KCNQ3: variants seen among roughly 807,000 people sequenced by gnomAD.
KCNQ3 encodes the protein potassium voltage-gated channel subfamily KQT member 3.
A neutral mutation model predicts 92.5 loss-of-function variants in KCNQ3; 30 were observed. The observed-to-expected ratio is 0.32, with a 90% CI of 0.24 to 0.44. The LOEUF is 0.44. Ranked by LOEUF, KCNQ3 falls within the 20% of genes least tolerant of loss-of-function variation. The pLI, the probability that KCNQ3 is intolerant of heterozygous loss-of-function variation, is 1.00. For synonymous variants in KCNQ3, 450 were observed against 468.8 expected (o/e 0.96, Z 0.52); for missense variants, 913 against 1,140.3 (o/e 0.80, Z 2.87).
At chr8:132,151,519 T>C (rs556039267) in intron 9 of KCNQ3, among the ~76,000 whole-genome samples, 5 of 152,240 alleles carry the variant, frequency 3.3e-5, no homozygotes, top group Non-Finnish European at 5.9e-5. Context: ...GGGTATTATA[T>C]GGTTTTTCTG....
chr8:132,225,059 C>T (rs1814366072), intron 1 of KCNQ3, among the ~76,000 whole-genome samples: 1 of 152,172 alleles, frequency 6.6e-6, no homozygotes, highest in African/African-American at 2.4e-5. Flanking sequence ...AGAATAGACC[C>T]ACCAGTTTGT....
chr8:132,203,214 A>G (rs1827515368), intron 1 of KCNQ3, among the ~76,000 whole-genome samples: 1 of 152,176 alleles, frequency 6.6e-6, no homozygotes, highest in South Asian at 2.1e-4. Flanking sequence ...TCCACTTCTC[A>G]ACACTGTTGC....
chr8:132,409,096 C>A (rs139485556), intron 1 of KCNQ3, among the ~76,000 whole-genome samples: 12 of 152,158 alleles, frequency 7.9e-5, no homozygotes, highest in Non-Finnish European at 1.5e-4. Context: ...TCCTTTCCCC[C>A]AAGAAGCTCA....
chr8:132,243,170 A>C (rs1179999660), intron 1 of KCNQ3, among the ~76,000 whole-genome samples: 2 of 152,244 alleles, frequency 1.3e-5, no homozygotes, highest in Non-Finnish European at 2.9e-5. Flanking sequence ...TATGAGATTT[A>C]GCTCTAATAA....
chr8:132,369,468 A>T (rs935171761), intron 1 of KCNQ3, among the ~76,000 whole-genome samples: 3 of 152,060 alleles, frequency 2.0e-5, no homozygotes, highest in African/African-American at 7.3e-5. Context: ...AATAAAAGAA[A>T]CCAGGGTTCC....
chr8:132,461,151 T>C (rs533226195), intron 1 of KCNQ3, among the ~76,000 whole-genome samples: 5 of 152,250 alleles, frequency 3.3e-5, no homozygotes, highest in African/African-American at 4.8e-5. Flanking sequence ...CTTGGTTGCA[T>C]TGTTCTTGGC....
At chr8:132,384,567 T>C (rs1334325088) in intron 1 of KCNQ3, among the ~76,000 whole-genome samples, 1 of 152,162 alleles carries the variant, frequency 6.6e-6, no homozygotes, top group Non-Finnish European at 1.5e-5. Flanking sequence ...TGGGAAAAGG[T>C]TGCAACCCAA....
In KCNQ3 at chr8:132,134,281, T is replaced by G. The variant is rs1360659620; in HGVS notation, c.1799+9A>C. ...CCCTGGCCCATCAGTCCATGTCCAC[T>G]GGCCCCACCTGGGAGATTGCTGGGA... On this transcript the variant is annotated intron_variant, in intron 13 of 14. Transcript: ENST00000388996. 4 of 1,608,470 alleles carry G rather than the reference T, an allele frequency of 2.5e-6. No homozygotes were observed. In the South Asian group the frequency reaches 4.4e-5, roughly 18 times the overall value.
chr8:132,252,081 C>A (rs1198486669), intron 1 of KCNQ3, among the ~76,000 whole-genome samples: 1 of 152,128 alleles, frequency 6.6e-6, no homozygotes, highest in Non-Finnish European at 1.5e-5. Context: ...TATGTATGAT[C>A]TCAGTTGGCA....
chr8:132,456,482 T>TGC (rs1044195486), intron 1 of KCNQ3, among the ~76,000 whole-genome samples: 1 of 151,904 alleles, frequency 6.6e-6, no homozygotes, highest in Non-Finnish European at 1.5e-5. Flanking sequence ...TGTGTGTGTG[T>TGC]GTGCAGTTTG....
intron 1 of KCNQ3, among the ~76,000 whole-genome samples, chr8:132,438,031 C>T (rs1428787831): frequency 6.6e-6 from 1 of 152,172 alleles, no homozygotes; most frequent in Admixed American, 6.5e-5. Flanking sequence ...TGTGCCCCTT[C>T]CTCAAAGAAC....
intron 1 of KCNQ3, among the ~76,000 whole-genome samples, chr8:132,405,773 T>G (rs987205204): frequency 1.3e-5 from 2 of 152,212 alleles, no homozygotes; most frequent in Admixed American, 1.3e-4. Context: ...CACTGCAGAT[T>G]TGGTGTTGGA....
chr8:132,455,805 G>A (rs1821925949), intron 1 of KCNQ3, among the ~76,000 whole-genome samples: 1 of 152,054 alleles, frequency 6.6e-6, no homozygotes, highest in African/African-American at 2.4e-5. Flanking sequence ...ATAGTGGCGT[G>A]ATCTCGGATC....
At chr8:132,443,984 T>C (rs1400449916) in intron 1 of KCNQ3, among the ~76,000 whole-genome samples, 1 of 152,182 alleles carries the variant, frequency 6.6e-6, no homozygotes, top group African/African-American at 2.4e-5. Flanking sequence ...GCACAGTTCA[T>C]TGCCCCCTTT....
In KCNQ3 at chr8:132,446,958, G is replaced by GA. The variant is rs144457605; in HGVS notation, c.386+33188dup. 0.017 allele frequency among the ~76,000 whole-genome samples: 2,592 copies of GA among 152,336 alleles called. 77 individuals are homozygous for GA. Among genetic ancestry groups the GA allele is most frequent in the African/African-American group, 0.06 (2,482 of 41,570 alleles). ...GTATGTGTGTATGTGAATGGCCTCA[G>GA]AAAATCAAACGATAGAAGTCAGAGA... On this transcript the variant is annotated intron_variant, in intron 1 of 14. Transcript: ENST00000388996.
rs190232495 is a variant in KCNQ3, at chr8:132,376,567, C to T, written c.386+103580G>A. Among the ~76,000 whole-genome samples, 5 of 152,288 alleles carry T rather than the reference C, an allele frequency of 3.3e-5. No homozygotes were observed. The East Asian group carries it at 7.7e-4, about 23-fold the overall frequency. ...GAGAAAAGTGCCATCCAGCCTCAAG[C>T]GATTTGAGCTAGAAAATACATTGCT... On this transcript the variant is annotated intron_variant, in intron 1 of 14. Coordinates refer to ENST00000388996, the MANE Select transcript of KCNQ3 (RefSeq NM_004519.4).
chr8:132,181,495 T>C (rs1280624704), intron 3 of KCNQ3, among the ~76,000 whole-genome samples: 3 of 152,198 alleles, frequency 2.0e-5, no homozygotes, highest in Non-Finnish European at 2.9e-5. Flanking sequence ...TTCTCAACTA[T>C]ACAAGTGAAG....
intron 1 of KCNQ3, among the ~76,000 whole-genome samples, chr8:132,417,695 C>T (rs1041184820): frequency 3.3e-5 from 5 of 152,190 alleles, no homozygotes. Flanking sequence ...TTCATTCATT[C>T]ATTCATTCAT....
chr8:132,269,153 T>A (rs1366322130), intron 1 of KCNQ3, among the ~76,000 whole-genome samples: 1 of 152,220 alleles, frequency 6.6e-6, no homozygotes, highest in Non-Finnish European at 1.5e-5. Context: ...AATCAGACAG[T>A]CTGTGCTTGT....
Sources: gnomAD v4.1 joint callset for allele counts (sites outside exome capture counted in the v4.1 genomes callset) on GRCh38, gnomAD v4.1.1 for gene constraint, MANE v1.5 for transcripts, NCBI Gene and HGNC (gene_info 2026-07-23, HGNC 2026-07-21) for gene names.